Variants in ATXN1 observed in about 807,000 individuals in gnomAD.
ATXN1 encodes ataxin 1.
In ATXN1, 8 loss-of-function variants were observed where a neutral mutation model predicts 56.4. That is an observed-to-expected ratio of 0.14 (90% CI 0.08 to 0.26). The LOEUF (loss-of-function observed/expected upper bound fraction) is 0.26, where lower values mean the gene tolerates loss of function less well. Ranked by LOEUF, ATXN1 falls within the 10% of genes least tolerant of loss-of-function variation. ATXN1 has a pLI of 1.00. For missense variants in ATXN1, 987 were observed against 1,106.5 expected, an observed-to-expected ratio of 0.89 and a Z score of 1.53; for synonymous variants, 514 against 494.6, an observed-to-expected ratio of 1.04 and a Z score of -0.52.
At chr6:16,308,837 G>C (rs746145094) in intron 7 of ATXN1, among the ~76,000 whole-genome samples, 4 of 152,156 alleles carry the variant, frequency 2.6e-5, no homozygotes, top group Non-Finnish European at 5.9e-5. Flanking sequence ...CTCATATAGA[G>C]TCATACATAT....
intron 4 of ATXN1, among the ~76,000 whole-genome samples, chr6:16,585,290 A>G (rs1229459288): frequency 6.6e-6 from 1 of 152,178 alleles, no homozygotes; most frequent in Non-Finnish European, 1.5e-5. Flanking sequence ...CTAACTGTCC[A>G]GTTAGAAGGG....
intron 5 of ATXN1, among the ~76,000 whole-genome samples, chr6:16,495,140 G>C (rs904127734): frequency 6.6e-6 from 1 of 152,184 alleles, no homozygotes; most frequent in Non-Finnish European, 1.5e-5. Flanking sequence ...AGCAGCTAAG[G>C]TCTGCAAGAT....
intron 2 of ATXN1, among the ~76,000 whole-genome samples, chr6:16,669,516 T>C (rs947787848): frequency 2.6e-5 from 4 of 152,194 alleles, no homozygotes; most frequent in Non-Finnish European, 5.9e-5. Context: ...CACAAAGCAC[T>C]GTTCTCTTTT....
At chr6:16,363,413 G>A (rs767778273) in intron 6 of ATXN1, among the ~76,000 whole-genome samples, 3 of 152,198 alleles carry the variant, frequency 2.0e-5, no homozygotes, top group Non-Finnish European at 2.9e-5. Context: ...TTGTCCTGGT[G>A]TCTGATACTC....
intron 6 of ATXN1, among the ~76,000 whole-genome samples, chr6:16,356,456 G>T (rs1305476422): frequency 6.6e-6 from 1 of 152,190 alleles, no homozygotes; most frequent in African/African-American, 2.4e-5. Context: ...GAATAGTAAT[G>T]AATTTTTGCT....
intron 1 of ATXN1, among the ~76,000 whole-genome samples, chr6:16,754,284 T>G (rs1429389791): frequency 6.6e-6 from 1 of 152,210 alleles, no homozygotes; most frequent in Non-Finnish European, 1.5e-5. Flanking sequence ...GGACTGATTT[T>G]CAGTCTTTGA....
intron 2 of ATXN1, among the ~76,000 whole-genome samples, chr6:16,692,026 G>A (rs1759057348): frequency 6.6e-6 from 1 of 152,230 alleles, no homozygotes; most frequent in Non-Finnish European, 1.5e-5. Context: ...CACTTTGGGA[G>A]GCCGAGGCGG....
At chr6:16,693,315 T>G (rs1759088205) in intron 2 of ATXN1, among the ~76,000 whole-genome samples, 1 of 152,178 alleles carries the variant, frequency 6.6e-6, no homozygotes, top group Non-Finnish European at 1.5e-5. Flanking sequence ...CTTCCTGAGC[T>G]CCACTGTCCT....
At chr6:16,456,431 GCTCA>G (rs1232376385) in intron 6 of ATXN1, among the ~76,000 whole-genome samples, 8 of 152,206 alleles carry the variant, frequency 5.3e-5, no homozygotes, top group Non-Finnish European at 1.0e-4. Flanking sequence ...CTGGGAAAGG[GCTCA>G]CTAACAACCC....
At chr6:16,609,676 C>T (rs1763070382) in intron 3 of ATXN1, among the ~76,000 whole-genome samples, 1 of 152,176 alleles carries the variant, frequency 6.6e-6, no homozygotes, top group Non-Finnish European at 1.5e-5. Flanking sequence ...GCGGGCTAGC[C>T]CTCCCATCAT....
intron 3 of ATXN1, among the ~76,000 whole-genome samples, chr6:16,652,453 G>A (rs1407392375): frequency 6.6e-6 from 1 of 152,148 alleles, no homozygotes; most frequent in African/African-American, 2.4e-5. Context: ...TTCCTACCAT[G>A]GATGGTTACT....
intron 2 of ATXN1, among the ~76,000 whole-genome samples, chr6:16,703,100 A>T (rs985568001): frequency 6.6e-6 from 1 of 152,156 alleles, no homozygotes; most frequent in Non-Finnish European, 1.5e-5. Context: ...AACAATGATA[A>T]ACTGCATTAA....
At chr6:16,453,737 G>A (rs1006011200) in intron 6 of ATXN1, among the ~76,000 whole-genome samples, 18 of 152,232 alleles carry the variant, frequency 1.2e-4, no homozygotes, top group Non-Finnish European at 2.5e-4. Flanking sequence ...CAGCCCAACT[G>A]TCTACACATA....
At chr6:16,726,736 C>G (rs961622256) in intron 2 of ATXN1, among the ~76,000 whole-genome samples, 8 of 152,118 alleles carry the variant, frequency 5.3e-5, no homozygotes, top group African/African-American at 1.9e-4. Flanking sequence ...GCCTGTAATC[C>G]CAGCTACTCT....
intron 2 of ATXN1, 178 bp downstream of exon 2, chr6:16,753,055 C>T (rs139814556): frequency 2.0e-5 from 7 of 348,930 alleles, no homozygotes; most frequent in African/African-American, 1.3e-4. Flanking sequence ...ATACTTTAAT[C>T]GAAGTTTTAA....
At chr6:16,439,106 T>A (rs930960753) in intron 6 of ATXN1, among the ~76,000 whole-genome samples, 1 of 151,906 alleles carries the variant, frequency 6.6e-6, no homozygotes, top group Admixed American at 6.6e-5. Flanking sequence ...TGTCAAAAGG[T>A]GCTAAATCTA....
chr6:16,753,033 C>T (rs543175610), intron 2 of ATXN1, 200 bp downstream of exon 2: 7 of 341,636 alleles, frequency 2.0e-5, no homozygotes, highest in South Asian at 1.6e-4. Flanking sequence ...ATAGATTAAA[C>T]CAAATAGATA....
intron 3 of ATXN1, among the ~76,000 whole-genome samples, chr6:16,656,199 C>T (rs184650259): frequency 1.2e-4 from 19 of 152,288 alleles, no homozygotes; most frequent in African/African-American, 4.1e-4. Context: ...CCCCGAGGAC[C>T]TGGCTCCTTT....
intron 3 of ATXN1, among the ~76,000 whole-genome samples, chr6:16,602,948 T>C (rs1762938500): frequency 6.6e-6 from 1 of 152,168 alleles, no homozygotes; most frequent in African/African-American, 2.4e-5. Context: ...ATTATCATAA[T>C]ATAATGTAAT....
Sources: allele counts gnomAD v4.1 joint callset (sites outside exome capture counted in the v4.1 genomes callset), GRCh38; gene constraint gnomAD v4.1.1; transcripts MANE v1.5; gene names NCBI Gene and HGNC (gene_info 2026-07-23, HGNC 2026-07-21).